The following TRIM24 variants were observed in gnomAD, a reference collection of about 807,000 sequenced individuals.
TRIM24 encodes transcription intermediary factor 1-alpha.
TRIM24 carries 29 observed loss-of-function variants against 123.9 expected under a neutral mutation model. The ratio of observed to expected loss-of-function variants is 0.23; its 90% CI spans 0.17 to 0.32. The LOEUF is 0.32. Ranked by LOEUF, TRIM24 falls within the 10% of genes least tolerant of loss-of-function variation. The pLI is 1.00. For missense variants in TRIM24, 932 were observed against 1,295.3 expected, an observed-to-expected ratio of 0.72 and a Z score of 4.31; for synonymous variants, 456 against 461.1, an observed-to-expected ratio of 0.99 and a Z score of 0.14.
In TRIM24 at chr7:138,584,888, T is replaced by C; in HGVS notation, c.3090T>C (p.Asp1030=). ...EDNKFSDDSD[D]DFVQPRKKRL... ...ATAAATTTAGTGATGATTCAGATGA[T>C]GACTTTGTACAGCCCCGGAAGAAAC... is the stretch of plus-strand genomic sequence containing the variant. The change falls in exon 19 of 19, where the codon GAT becomes GAC. Residue 1030 remains aspartate (D), a synonymous_variant. Transcript: ENST00000343526. The C allele has an allele frequency of 1.2e-6, 2 of 1,613,888 alleles. No individual in the cohort carries two copies. The highest frequency in any genetic ancestry group is 2.2e-5 in the South Asian group (2 of 91,018).
chr7:138,484,860 C>T (rs556905693), intron 1 of TRIM24, among the ~76,000 whole-genome samples: 10 of 152,128 alleles, frequency 6.6e-5, no homozygotes, highest in African/African-American at 2.2e-4. Context: ...ATTCAGTTTT[C>T]GTAAAGGTTT....
chr7:138,569,946 CT>C (rs535279990), intron 10 of TRIM24, among the ~76,000 whole-genome samples: 2,172 of 135,968 alleles, frequency 0.016, 33 homozygotes, highest in African/African-American at 0.049. Flanking sequence ...TCAAGTCATC[CT>C]TTTTTTTTTT....
chr7:138,480,707 C>T (rs1795507222), intron 1 of TRIM24, among the ~76,000 whole-genome samples: 1 of 152,026 alleles, frequency 6.6e-6, no homozygotes, highest in Non-Finnish European at 1.5e-5. Flanking sequence ...GTTAACTTAC[C>T]AACTCTCATA....
chr7:138,462,979 C>T (rs1161544034), intron 1 of TRIM24, among the ~76,000 whole-genome samples: 1 of 147,544 alleles, frequency 6.8e-6, no homozygotes, highest in Non-Finnish European at 1.5e-5. Flanking sequence ...AAGCGATTGT[C>T]CTGTCTCAGC....
At chr7:138,474,128 C>CTT (rs71177990) in intron 1 of TRIM24, among the ~76,000 whole-genome samples, 4,477 of 137,140 alleles carry the variant, frequency 0.033, 270 homozygotes, top group African/African-American at 0.11. Context: ...TGTACTTTTT[C>CTT]TTTTTTTTTT....
In TRIM24 at chr7:138,567,554, C is replaced by G. The variant is rs1797560487; in HGVS notation, c.1604C>G (p.Pro535Arg). The change falls in exon 10 of 19, where the codon CCT becomes CGT. Residue 535 changes from proline (P) to arginine (R), a missense_variant. Pro to Arg is a moderately radical substitution (Grantham distance 103). Around this residue, in one of 7 missense-constraint regions of TRIM24, gnomAD observed 527 missense variants for 691.3 expected, o/e 0.76. Transcript: ENST00000343526. ...KPNGPVLPPH[P>R]QQLRYPPNQN... ...AATGGACCAGTTCTTCCTCCTCATCCTCAACAACTGAGATATCCACCAAAC... is the reference window on the plus strand; with the variant it reads ...AATGGACCAGTTCTTCCTCCTCATCGTCAACAACTGAGATATCCACCAAAC... 1 of 1,613,910 alleles carries G rather than the reference C, an allele frequency of 6.2e-7. No homozygotes were observed. The highest frequency in any genetic ancestry group is 2.2e-5 in the East Asian group (1 of 44,858).
At chr7:138,548,930 C>T (rs1037590287) in intron 7 of TRIM24, among the ~76,000 whole-genome samples, 3 of 152,164 alleles carry the variant, frequency 2.0e-5, no homozygotes, top group Non-Finnish European at 1.5e-5. Flanking sequence ...GTTCTCATCT[C>T]CTATTATAAT....
chr7:138,581,178 CT>C (rs1797887376), intron 16 of TRIM24, among the ~76,000 whole-genome samples: 2 of 152,074 alleles, frequency 1.3e-5, no homozygotes. Context: ...AACTCCTTTG[CT>C]AAATTATTAA....
At chr7:138,569,228 A>T (rs539738748) in intron 10 of TRIM24, among the ~76,000 whole-genome samples, 15 of 152,326 alleles carry the variant, frequency 9.8e-5, no homozygotes, top group Admixed American at 9.8e-4. Flanking sequence ...TCAGTATTCA[A>T]ATGTTTACCT....
At chr7:138,546,073 G>T (rs1294555061) in intron 7 of TRIM24, among the ~76,000 whole-genome samples, 1 of 152,148 alleles carries the variant, frequency 6.6e-6, no homozygotes, top group African/African-American at 2.4e-5. Context: ...CTGGGTAGAG[G>T]ACTGATGGGG....
intron 15 of TRIM24, among the ~76,000 whole-genome samples, chr7:138,580,227 A>G (rs1409410233): frequency 6.6e-6 from 1 of 152,212 alleles, no homozygotes. Context: ...GAGCTTTTCT[A>G]GTTCCTGAAT....
chr7:138,562,913 G>T (rs529074885), intron 9 of TRIM24, among the ~76,000 whole-genome samples: 10 of 152,274 alleles, frequency 6.6e-5, no homozygotes, highest in African/African-American at 1.9e-4. Context: ...TTTCAGAGTA[G>T]GTCTCTCCCC....
rs557873315 is a variant in TRIM24, at chr7:138,567,615, C to A, written c.1665C>A (p.Pro555=). The change falls in exon 10 of 19, where the codon CCC becomes CCA. Residue 555 remains proline, a synonymous_variant. Transcript: ENST00000343526. ...NIPRQAIKPN[P]LQMAFLAQQA... is the part of the protein sequence containing the mutation. ...CACGACAAGCAATAAAGCCAAACCCCCTACAGATGGCTTTCTTGGCTCAAC... is the reference window on the plus strand; with the variant it reads ...CACGACAAGCAATAAAGCCAAACCCACTACAGATGGCTTTCTTGGCTCAAC... The A allele has an allele frequency of 1.9e-6, 3 of 1,613,134 alleles. No homozygotes were observed. The highest frequency in any genetic ancestry group is 2.5e-6 in the Non-Finnish European group (3 of 1,179,652).
intron 1 of TRIM24, among the ~76,000 whole-genome samples, chr7:138,483,270 G>T (rs906650831): frequency 3.3e-5 from 5 of 152,116 alleles, no homozygotes; most frequent in African/African-American, 1.2e-4. Context: ...CAATAACTTT[G>T]TTAAATCTTT....
chr7:138,559,436 G>C (rs569965382), intron 9 of TRIM24, among the ~76,000 whole-genome samples: 1 of 152,312 alleles, frequency 6.6e-6, no homozygotes, highest in Middle Eastern at 3.4e-3. Flanking sequence ...GTTGGATAAA[G>C]AGACAGGATA....
chr7:138,499,148 A>G (rs935024780), intron 1 of TRIM24, among the ~76,000 whole-genome samples: 2 of 151,896 alleles, frequency 1.3e-5, no homozygotes, highest in Admixed American at 1.3e-4. Context: ...TGTTAATTAG[A>G]TGCATATGCA....
At chr7:138,518,134 AT>A (rs1302045169) in intron 3 of TRIM24, among the ~76,000 whole-genome samples, 2 of 152,208 alleles carry the variant, frequency 1.3e-5, no homozygotes, top group Non-Finnish European at 2.9e-5. Flanking sequence ...TGGTATATCT[AT>A]TTCGTGAAAT....
At chr7:138,493,236 C>CTG (rs1340196232) in intron 1 of TRIM24, among the ~76,000 whole-genome samples, 1 of 150,886 alleles carries the variant, frequency 6.6e-6, no homozygotes, top group Non-Finnish European at 1.5e-5. Context: ...ACTGTCTGGG[C>CTG]TGTCCCAGGG....
chr7:138,485,050 A>T (rs1795613928), intron 1 of TRIM24, among the ~76,000 whole-genome samples: 1 of 151,630 alleles, frequency 6.6e-6, no homozygotes. Flanking sequence ...CCCAGTGCTG[A>T]TTTTATAGGC....
Sources: allele counts gnomAD v4.1 joint callset (sites outside exome capture counted in the v4.1 genomes callset), GRCh38; gene constraint gnomAD v4.1.1; regional missense constraint gnomAD v4.1.1; transcripts MANE v1.5; gene names NCBI Gene and HGNC (gene_info 2026-07-23, HGNC 2026-07-21).